Variants in TMEM131 observed in about 807,000 individuals in gnomAD.
TMEM131 encodes transmembrane protein 131.
TMEM131 carries 66 observed loss-of-function variants against 211.6 expected under a neutral mutation model. The ratio of observed to expected loss-of-function variants is 0.31; its 90% CI spans 0.26 to 0.38. The LOEUF is 0.38. TMEM131 is among the 10% of genes least tolerant of loss of function. The pLI is 1.00. For missense variants in TMEM131, 2,036 were observed against 2,299.3 expected (o/e 0.89, Z 2.34); for synonymous variants, 844 against 841.3 (o/e 1.00, Z -0.06).
chr2:97,957,541 C>T (rs1678627433), intron 1 of TMEM131, among the ~76,000 whole-genome samples: 1 of 152,026 alleles, frequency 6.6e-6, no homozygotes, highest in African/African-American at 2.4e-5. Flanking sequence ...TACCAGCTAA[C>T]TCATAGGATG....
chr2:97,981,836 T>C (rs930865409), intron 1 of TMEM131, among the ~76,000 whole-genome samples: 1 of 152,230 alleles, frequency 6.6e-6, no homozygotes, highest in Non-Finnish European at 1.5e-5. Flanking sequence ...CTTTGTTCAC[T>C]TATCACAATG....
At chr2:97,837,480 CAAGTTTTGGA>C (rs1682991247) in intron 7 of TMEM131, among the ~76,000 whole-genome samples, 1 of 152,104 alleles carries the variant, frequency 6.6e-6, no homozygotes, top group Non-Finnish European at 1.5e-5. Context: ...CAAAAATTAC[CAAGTTTTGGA>C]AACATAAATT....
intron 2 of TMEM131, among the ~76,000 whole-genome samples, chr2:97,917,803 A>C (rs1410358152): frequency 6.6e-6 from 1 of 152,156 alleles, no homozygotes; most frequent in Non-Finnish European, 1.5e-5. Flanking sequence ...AGCAAGCTTC[A>C]GTATCCAGTT....
chr2:97,892,363 T>G (rs1184501581), intron 3 of TMEM131, among the ~76,000 whole-genome samples: 5 of 152,136 alleles, frequency 3.3e-5, no homozygotes, highest in Admixed American at 2.0e-4. Context: ...TGATGATCAT[T>G]TTTTCTTTTT....
At chr2:97,946,508 T>C (rs767905823) in intron 1 of TMEM131, among the ~76,000 whole-genome samples, 2 of 151,946 alleles carry the variant, frequency 1.3e-5, no homozygotes, top group Non-Finnish European at 2.9e-5. Context: ...ACAAATTCCT[T>C]CAAAGACTCA....
intron 1 of TMEM131, among the ~76,000 whole-genome samples, chr2:97,941,661 G>A (rs181844362): frequency 9.9e-5 from 15 of 152,252 alleles, no homozygotes; most frequent in Admixed American, 2.6e-4. Flanking sequence ...AAAAGTGGGC[G>A]AAGGATATGA....
Position 97,815,391 on chromosome 2 carries a change from A to T in TMEM131, c.1184-84T>A, listed in dbSNP as rs558716951. On this transcript the variant is annotated intron_variant, in intron 12 of 40. Coordinates refer to ENST00000186436, the MANE Select transcript of TMEM131 (RefSeq NM_015348.2). ...AATTTATGTAAATTGACAAAATCTT[A>T]AAAAAAAAAAAAGTTGAGCTTCCAA... The T allele has an allele frequency of 8.5e-4, 287 of 336,142 alleles. 4 individuals are homozygous for T. The East Asian group carries it at 0.013, about 16-fold the overall frequency. The allele number at this position is 336,142 out of a possible 1,614,324, so 20.8% of individuals were successfully genotyped here.
chr2:97,972,162 C>G (rs1293194001), intron 1 of TMEM131, among the ~76,000 whole-genome samples: 1 of 152,112 alleles, frequency 6.6e-6, no homozygotes. Context: ...GAGCCGAGAT[C>G]TGCCATTTCA....
chr2:97,797,960 G>A (rs1172704622), intron 25 of TMEM131, among the ~76,000 whole-genome samples: 2 of 152,158 alleles, frequency 1.3e-5, no homozygotes, highest in Non-Finnish European at 2.9e-5. Context: ...CTCTGAAGGG[G>A]ACCAGGGCCA....
In TMEM131 at chr2:97,792,526, G is replaced by A; in HGVS notation, c.4004C>T (p.Ala1335Val). 3 of 1,613,536 alleles carry A rather than the reference G, an allele frequency of 1.9e-6. No individual in the cohort carries two copies. Among genetic ancestry groups the A allele is most frequent in the Non-Finnish European group, 2.5e-6 (3 of 1,179,710 alleles). Residue 1335 changes from alanine to valine, a missense_variant, in exon 31 of 41, where the codon GCC (alanine) becomes GTC (valine). Transcript: ENST00000186436. ...CTCGGAACTGTGCCTCGCGCTGCTG[G>A]CACGTTCTGGGTGGGAAGGGTGTGC... ...PLAHPSHPER[A>V]SSARHSSEDS...
chr2:97,894,913 T>G (rs1350529312), intron 3 of TMEM131, among the ~76,000 whole-genome samples: 1 of 152,154 alleles, frequency 6.6e-6, no homozygotes, highest in Non-Finnish European at 1.5e-5. Context: ...CTGTGTTGAA[T>G]AGGGGTGGTG....
At chr2:97,919,704 G>T (rs1334136559) in intron 2 of TMEM131, among the ~76,000 whole-genome samples, 1 of 152,122 alleles carries the variant, frequency 6.6e-6, no homozygotes, top group Non-Finnish European at 1.5e-5. Flanking sequence ...CTGAGTAGCT[G>T]GGATTACAGG....
chr2:97,842,111 A>G (rs971053509), intron 6 of TMEM131, among the ~76,000 whole-genome samples, 174 bp from the exon 7 acceptor site: 8 of 152,210 alleles, frequency 5.3e-5, no homozygotes, highest in Non-Finnish European at 1.2e-4. Context: ...ATTTGGCTAC[A>G]TATTTGATTG....
intron 1 of TMEM131, 53 bp downstream of exon 1, chr2:97,995,423 C>T (rs2104699830): frequency 1.5e-6 from 2 of 1,310,362 alleles, no homozygotes; most frequent in South Asian, 2.2e-5. Context: ...TCCCGGCCTC[C>T]GCGAGAGCGG....
chr2:97,783,101 T>A (rs754455943), intron 31 of TMEM131, among the ~76,000 whole-genome samples: 5 of 152,036 alleles, frequency 3.3e-5, no homozygotes, highest in African/African-American at 7.2e-5. Context: ...ACACATTATC[T>A]ATAAGGAAAA....
intron 3 of TMEM131, 139 bp from the exon 4 acceptor site, chr2:97,888,259 G>A (rs868749653): frequency 2.6e-5 from 15 of 571,452 alleles, no homozygotes; most frequent in East Asian, 8.5e-5. Flanking sequence ...AGAAATGTGC[G>A]TCACTTTTTA....
chr2:97,961,701 A>C (rs1266750532), intron 1 of TMEM131, among the ~76,000 whole-genome samples: 1 of 152,266 alleles, frequency 6.6e-6, no homozygotes, highest in African/African-American at 2.4e-5. Flanking sequence ...AACAGAACAG[A>C]ATTGAAAATC....
chr2:97,857,976 TC>T (rs989007194), intron 5 of TMEM131, among the ~76,000 whole-genome samples: 2 of 152,104 alleles, frequency 1.3e-5, no homozygotes, highest in Non-Finnish European at 2.9e-5. Context: ...TCCACAAAGA[TC>T]CCCCCAAAAT....
chr2:97,790,877 C>G (rs368557533), intron 31 of TMEM131, among the ~76,000 whole-genome samples: 1 of 152,142 alleles, frequency 6.6e-6, no homozygotes, highest in African/African-American at 2.4e-5. Flanking sequence ...AATCCGAATG[C>G]GTGTAATTCC....
Sources: allele counts gnomAD v4.1 joint callset (sites outside exome capture counted in the v4.1 genomes callset), GRCh38; gene constraint gnomAD v4.1.1; transcripts MANE v1.5; gene names NCBI Gene and HGNC (gene_info 2026-07-23, HGNC 2026-07-21).